Variants in SLA2 observed in about 807,000 individuals in gnomAD.
SLA2 encodes src-like-adapter 2.
A neutral mutation model predicts 27.3 loss-of-function variants in SLA2; 22 were observed. The observed-to-expected ratio is 0.81, with a 90% CI of 0.58 to 1.15. The LOEUF (loss-of-function observed/expected upper bound fraction) is 1.15. SLA2 is among the 50% of genes most tolerant of loss of function. The pLI is 0.00. For missense variants in SLA2, 304 were observed against 322.2 expected (o/e 0.94, Z 0.43); for synonymous variants, 131 against 137.8 (o/e 0.95, Z 0.34).
At chr20:36,616,332 CTT>C (rs751722341) in intron 5 of SLA2, among the ~76,000 whole-genome samples, 20 of 131,942 alleles carry the variant, frequency 1.5e-4, no homozygotes, top group Admixed American at 2.3e-4. Context: ...TTTTAATTTT[CTT>C]TTTTTTTTTT....
At chr20:36,636,351 G>A (rs2039445974) in intron 2 of SLA2, among the ~76,000 whole-genome samples, 1 of 148,968 alleles carries the variant, frequency 6.7e-6, no homozygotes, top group Admixed American at 6.6e-5. Flanking sequence ...AACCCGGGAA[G>A]CGGAGCTTGC....
rs2039150645 is a variant in SLA2, at chr20:36,612,526, A to T, written c.*1340T>A. ...AGTTTCCATTGTAGAATGTTTTCAC[A>T]TACTTGAATAAATCAAATCTTTAAT... On this transcript the variant is annotated 3_prime_UTR_variant, in exon 8 of 8. Transcript: ENST00000262866. 2 of 401,696 alleles carry T rather than the reference A, an allele frequency of 5.0e-6. No homozygotes were observed. The highest frequency in any genetic ancestry group is 3.8e-5 in the Admixed American group (1 of 26,300). 24.9% of individuals were successfully genotyped at this position (401,696 alleles called of 1,614,324 possible).
rs542229628 is a variant in SLA2, at chr20:36,637,264, G to A, written c.92-2675C>T. On this transcript the variant is annotated intron_variant, in intron 2 of 7. Coordinates refer to ENST00000262866, the MANE Select transcript of SLA2 (RefSeq NM_032214.4). ...GTCGCCCAGGCTGGAGTGCAGTGGTGCGATCTTGGCTCACTGCAACCTCTG... is the reference window on the plus strand; with the variant it reads ...GTCGCCCAGGCTGGAGTGCAGTGGTACGATCTTGGCTCACTGCAACCTCTG... Among the ~76,000 whole-genome samples the A allele has an allele frequency of 1.8e-4, 26 of 141,382 alleles. No individual in the cohort carries two copies. The South Asian group carries it at 5.2e-3, about 28-fold the overall frequency. 92.8% of individuals were successfully genotyped at this position (141,382 alleles called of 152,430 possible).
chr20:36,638,318 T>TTTTTGTTTTG, intron 2 of SLA2, among the ~76,000 whole-genome samples: 1 of 151,924 alleles, frequency 6.6e-6, no homozygotes, highest in Admixed American at 6.6e-5. Context: ...CAATTTATTG[T>TTTTTGTTTTG]TTTTGTTTTG....
intron 4 of SLA2, 116 bp downstream of exon 4, chr20:36,633,427 G>A: frequency 2.4e-6 from 2 of 832,816 alleles, no homozygotes; most frequent in Middle Eastern, 3.5e-4. Context: ...GCAGGACCTG[G>A]GTTCGATTCT....
chr20:36,627,653 G>T (rs1337067265), intron 5 of SLA2, among the ~76,000 whole-genome samples: 1 of 152,228 alleles, frequency 6.6e-6, no homozygotes, highest in African/African-American at 2.4e-5. Context: ...GCTGGGGCCT[G>T]TCCCTAACCC....
At chr20:36,638,204 T>C (rs954437865) in intron 2 of SLA2, among the ~76,000 whole-genome samples, 2 of 152,134 alleles carry the variant, frequency 1.3e-5, no homozygotes, top group African/African-American at 4.8e-5. Context: ...TTTTTTTTAG[T>C]CAGCTCTGTA....
rs1175945445 is a variant in SLA2 at position 36,637,193 on chromosome 20, A to ATTT, written c.92-2607_92-2605dup. On this transcript the variant is annotated intron_variant, in intron 2 of 7. Coordinates refer to ENST00000262866, the MANE Select transcript of SLA2 (RefSeq NM_032214.4). ...CTACCTCTAAGGTGCGCGTGTGTGT[A>ATTT]TTTTTTTTTTTTTTTTTTTTTTTTT... Among the ~76,000 whole-genome samples, 39 of 87,964 alleles carry ATTT rather than the reference A, an allele frequency of 4.4e-4. 1 individual carries two copies. The highest frequency in any genetic ancestry group is 1.5e-3 in the African/African-American group (29 of 19,042). The allele number at this position is 87,964 out of a possible 152,430, so 57.7% of individuals were successfully genotyped here. A position where few individuals can be genotyped will look rare whatever the true frequency, so the allele number is the denominator to read the frequency against.
chr20:36,612,336 CATTTA>C lies in SLA2; in HGVS notation c.*1525_*1529del, dbSNP rs1186982298. 6.2e-6 allele frequency: 6 copies of C among 971,756 alleles called. No individual in the cohort carries two copies. The highest frequency in any genetic ancestry group is 4.8e-5 in the East Asian group (2 of 41,492). The allele number at this position is 971,756 out of a possible 1,614,324, so 60.2% of individuals were successfully genotyped here. On this transcript the variant is annotated 3_prime_UTR_variant, in exon 8 of 8. Coordinates refer to ENST00000262866, the MANE Select transcript of SLA2 (RefSeq NM_032214.4). The stretch of plus-strand genomic sequence containing the variant: ...GCTATTATTTGCCAAGTGGAGCTGT[CATTTA>C]ATTTGATGCACCTCTGGATTCAGAT...
In SLA2 at chr20:36,615,354, G is replaced by A. The variant is rs1306590236; in HGVS notation, c.403C>T (p.Arg135Cys). The A allele has an allele frequency of 3.6e-5, 58 of 1,613,888 alleles. No homozygotes were observed. Among genetic ancestry groups the A allele is most frequent in the Non-Finnish European group, 4.3e-5 (51 of 1,180,030 alleles). ...TCCCAGGATGCAGGGCGGCTGAGGCGGACTGACAGAGAGTAAGAGCCTGAG... is the reference window on the plus strand; with the variant it reads ...TCCCAGGATGCAGGGCGGCTGAGGCAGACTGACAGAGAGTAAGAGCCTGAG... ...TRRGSYSLSV[R>C]LSRPASWDRI... Residue 135 changes from arginine to cysteine, a missense_variant, in exon 6 of 8, where the codon CGC becomes TGC. Transcript: ENST00000262866.
intron 2 of SLA2, among the ~76,000 whole-genome samples, chr20:36,636,427 C>CAAAAAAA (rs71186007): frequency 8.1e-5 from 5 of 61,402 alleles, no homozygotes; most frequent in African/African-American, 2.8e-4. Context: ...GACTCCGTCT[C>CAAAAAAA]AAAAAAAAAA....
intron 5 of SLA2, among the ~76,000 whole-genome samples, chr20:36,626,003 G>A (rs537722749): frequency 9.2e-5 from 14 of 152,058 alleles, no homozygotes; most frequent in Admixed American, 8.5e-4. Flanking sequence ...GGTGGGTCAC[G>A]CCTGTAATCT....
At chr20:36,617,203 C>CAA (rs1243483698) in intron 5 of SLA2, among the ~76,000 whole-genome samples, 28 of 137,264 alleles carry the variant, frequency 2.0e-4, no homozygotes, top group African/African-American at 6.9e-4. Context: ...ACTAAAAATA[C>CAA]AAAAAAAAAA....
At chr20:36,632,562 G>C (rs1568607037) in intron 5 of SLA2, 33 bp downstream of exon 5, 6 of 1,546,816 alleles carry the variant, frequency 3.9e-6, no homozygotes, top group Non-Finnish European at 4.5e-6. Flanking sequence ...CCTCCACGTA[G>C]GGAGGGCCTG....
chr20:36,627,720 G>A (rs564846873), intron 5 of SLA2, among the ~76,000 whole-genome samples: 84 of 152,264 alleles, frequency 5.5e-4, no homozygotes, highest in African/African-American at 2.0e-3. Context: ...CCCCCTTCAC[G>A]GAGCAAGATT....
intron 5 of SLA2, among the ~76,000 whole-genome samples, chr20:36,621,587 C>G (rs1369496276): frequency 2.1e-5 from 3 of 146,248 alleles, no homozygotes; most frequent in African/African-American, 7.5e-5. Context: ...GATCGCGCCA[C>G]TGCACTCCAG....
rs374027874 is a variant in SLA2, at chr20:36,615,283, C to T, written c.474G>A (p.Leu158=). Reference sequence around the variant, plus strand: ...GGAAGGTGAGGCGCGGTGAGATGTACAGCCAGCCATTGTCAAGGCAGTGGA... The same window carrying T: ...GGAAGGTGAGGCGCGGTGAGATGTATAGCCAGCCATTGTCAAGGCAGTGGA... The part of the protein sequence containing the change: ...YRIHCLDNGW[L]YISPRLTFPS... The change falls in exon 6 of 8, where the codon CTG becomes CTA. Residue 158 remains leucine, a synonymous_variant. Transcript: ENST00000262866. 6 of 1,614,004 alleles carry T rather than the reference C, an allele frequency of 3.7e-6. No individual in the cohort carries two copies. Among genetic ancestry groups the T allele is most frequent in the Non-Finnish European group, 5.1e-6 (6 of 1,180,030 alleles).
At chr20:36,645,186 ACCG>A (rs1978286952) in intron 1 of SLA2, among the ~76,000 whole-genome samples, 2 of 42,868 alleles carry the variant, frequency 4.7e-5, no homozygotes, top group Non-Finnish European at 9.8e-5. Flanking sequence ...CACCCCCACC[ACCG>A]CCTGCCATCT....
At chr20:36,629,733 C>T (rs1359134722) in intron 5 of SLA2, among the ~76,000 whole-genome samples, 1 of 152,046 alleles carries the variant, frequency 6.6e-6, no homozygotes, top group Non-Finnish European at 1.5e-5. Context: ...GAGATCGCAC[C>T]ACTGCACTCC....
Sources: gnomAD v4.1 joint callset for allele counts (sites outside exome capture counted in the v4.1 genomes callset) on GRCh38, gnomAD v4.1.1 for gene constraint, MANE v1.5 for transcripts, NCBI Gene and HGNC (gene_info 2026-07-23, HGNC 2026-07-21) for gene names.